Variants in LRP5 observed in about 807,000 individuals in gnomAD.
LRP5 encodes the protein LDL receptor related protein 5, also known as low-density lipoprotein receptor-related protein 5.
Under a neutral mutation model 154.1 loss-of-function variants are expected in LRP5, and 62 were observed. The observed-to-expected ratio is 0.40, with a 90% confidence interval of 0.33 to 0.50. LRP5 has a LOEUF of 0.50. Among genes scored for constraint, LRP5 ranks in the 20% least tolerant of loss-of-function variants. The probability of loss-of-function intolerance (pLI) is 0.55; values close to 1 mark genes in which losing one functional copy is unlikely to be tolerated. For synonymous variants in LRP5, 966 were observed against 1,011.5 expected (o/e 0.96, Z 0.85); for missense variants, 1,915 against 2,336.7 (o/e 0.82, Z 3.72).
intron 1 of LRP5, among the ~76,000 whole-genome samples, chr11:68,326,439 G>T (rs2098599725): frequency 1.3e-5 from 2 of 152,234 alleles, no homozygotes; most frequent in South Asian, 4.1e-4. Flanking sequence ...CAGCTTCACT[G>T]CTGAAGGCAG....
chr11:68,346,949 G>A (rs2098613498), intron 1 of LRP5, among the ~76,000 whole-genome samples: 1 of 152,222 alleles, frequency 6.6e-6, no homozygotes, highest in Non-Finnish European at 1.5e-5. Flanking sequence ...TTCTCATTGA[G>A]CCCGTTGTGG....
chr11:68,446,890 A>T (rs895077505), intron 22 of LRP5: 7 of 360,916 alleles, frequency 1.9e-5, no homozygotes, highest in Non-Finnish European at 3.8e-5. Context: ...AAACCTAGCC[A>T]TTGAGATGCC....
At chr11:68,422,774 A>G (rs1351277212) in intron 13 of LRP5, among the ~76,000 whole-genome samples, 8 of 112,928 alleles carry the variant, frequency 7.1e-5, no homozygotes, top group African/African-American at 2.8e-4. Flanking sequence ...AGCCTCACCT[A>G]CCCCCACATC....
intron 9 of LRP5, among the ~76,000 whole-genome samples, chr11:68,409,126 TA>T (rs1565086362): frequency 1.7e-5 from 2 of 118,808 alleles, no homozygotes; most frequent in Non-Finnish European, 3.3e-5. Context: ...ACACATAATA[TA>T]AAAATATATA....
chr11:68,403,434 G>A (rs765059638), intron 7 of LRP5, 49 bp from the exon 8 acceptor site: 22 of 1,567,844 alleles, frequency 1.4e-5, no homozygotes, highest in East Asian at 9.0e-5. Flanking sequence ...GTTGGCTCTC[G>A]TTGGTGTGGC....
At chr11:68,426,222 G>A (rs1554974814) in intron 16 of LRP5, 35 bp downstream of exon 16, 4 of 1,590,088 alleles carry the variant, frequency 2.5e-6, no homozygotes, top group Non-Finnish European at 3.4e-6. Context: ...GGGCAGGGTG[G>A]CCTCTAAACC....
At chr11:68,378,104 G>A (rs191618731) in intron 5 of LRP5, among the ~76,000 whole-genome samples, 110 of 152,342 alleles carry the variant, frequency 7.2e-4, no homozygotes, top group Non-Finnish European at 1.3e-3. Flanking sequence ...GGGTGATGAG[G>A]TGGGATGGAG....
intron 9 of LRP5, among the ~76,000 whole-genome samples, chr11:68,409,296 A>G (rs2098658052): frequency 1.4e-5 from 2 of 143,288 alleles, no homozygotes; most frequent in African/African-American, 5.1e-5. Flanking sequence ...AATAATATAT[A>G]ATACATACTT....
Position 68,353,888 on chromosome 11 carries a change from C to T in LRP5, c.489-3762C>T, listed in dbSNP as rs543181964. 3.9e-4 allele frequency among the ~76,000 whole-genome samples: 60 copies of T among 152,310 alleles called. No individual in the cohort carries two copies. The highest frequency in any genetic ancestry group is 1.4e-3 in the African/African-American group (59 of 41,578). On this transcript the variant is annotated intron_variant, in intron 2 of 22. Transcript: ENST00000294304. The surrounding 1 kb of genome is among the most constrained non-coding windows in gnomAD (Gnocchi z 4.5). ...GCAGTTTCAGCAATGCAGGTGGCCC[C>T]GTGCGGACATCCAGGCAGGGTTGAG...
chr11:68,442,978 A>C (rs2098678985), intron 21 of LRP5, among the ~76,000 whole-genome samples: 1 of 152,166 alleles, frequency 6.6e-6, no homozygotes, highest in South Asian at 2.1e-4. Context: ...ACTGGAGGGC[A>C]TCATGGTCCT....
intron 1 of LRP5, among the ~76,000 whole-genome samples, chr11:68,327,771 C>T (rs1397297353): frequency 6.6e-6 from 1 of 152,128 alleles, no homozygotes; most frequent in East Asian, 1.9e-4. Context: ...GAAGAGGGAG[C>T]TTTCCTGCAG....
In LRP5 at chr11:68,416,115, T is replaced by C. The variant is rs564187536; in HGVS notation, c.2828-213T>C. ...TATGATCTATTTCAAAAATAACACA[T>C]GTACTTTGAAACAGCAGAGACACAT... On this transcript the variant is annotated intron_variant, in intron 12 of 22. Coordinates refer to ENST00000294304, the MANE Select transcript of LRP5 (RefSeq NM_002335.4). Among the ~76,000 whole-genome samples the C allele has an allele frequency of 3.3e-5, 5 of 151,886 alleles. No individual in the cohort carries two copies. In the South Asian group the frequency reaches 8.4e-4, roughly 25 times the overall value.
chr11:68,343,141 A>G (rs975062512), intron 1 of LRP5, among the ~76,000 whole-genome samples: 1 of 152,220 alleles, frequency 6.6e-6, no homozygotes. Context: ...GGTGAGGTGC[A>G]GGCCTGGCAG....
intron 7 of LRP5, among the ~76,000 whole-genome samples, chr11:68,392,033 A>G (rs895136102): frequency 1.3e-5 from 2 of 151,704 alleles, no homozygotes; most frequent in African/African-American, 4.8e-5. Context: ...TTGTGGGGGG[A>G]GATGGGGTTT....
At chr11:68,366,448 G>C (rs1202429534) in intron 5 of LRP5, among the ~76,000 whole-genome samples, 12 of 152,282 alleles carry the variant, frequency 7.9e-5, no homozygotes, top group African/African-American at 2.9e-4. Flanking sequence ...TCTCACTGCT[G>C]TCTGAGCACA....
At chr11:68,411,385 T>C in intron 10 of LRP5, 51 bp from the exon 11 acceptor site, 1 of 1,592,274 alleles carries the variant, frequency 6.3e-7, no homozygotes, top group Non-Finnish European at 8.5e-7. Flanking sequence ...CCCACTGTCC[T>C]GCGGTGAGAG....
chr11:68,402,224 A>C (rs188085924), intron 7 of LRP5, among the ~76,000 whole-genome samples: 1 of 152,288 alleles, frequency 6.6e-6, no homozygotes. Flanking sequence ...TGTTGCGCCT[A>C]ACTCAACCTT....
At chr11:68,343,583 C>A (rs779654808) in intron 1 of LRP5, among the ~76,000 whole-genome samples, 2 of 152,172 alleles carry the variant, frequency 1.3e-5, no homozygotes, top group East Asian at 1.9e-4. Flanking sequence ...CCTGCTCTGG[C>A]GGCCAGGACG....
At chr11:68,342,070 CTTTT>C (rs111847163) in intron 1 of LRP5, among the ~76,000 whole-genome samples, 1 of 133,874 alleles carries the variant, frequency 7.5e-6, no homozygotes, top group Non-Finnish European at 1.6e-5. Flanking sequence ...GTCCTCTTTG[CTTTT>C]TTTTTTTTTT....
Sources: allele counts gnomAD v4.1 joint callset (sites outside exome capture counted in the v4.1 genomes callset), GRCh38; gene constraint gnomAD v4.1.1; non-coding constraint Gnocchi (gnomAD v3.1); transcripts MANE v1.5; gene names NCBI Gene and HGNC (gene_info 2026-07-23, HGNC 2026-07-21).